The following OTUD4 variants were observed in gnomAD, a reference collection of about 807,000 sequenced individuals.
OTUD4 encodes OTU domain-containing protein 4.
OTUD4 carries 24 observed loss-of-function variants against 130.4 expected under a neutral mutation model. That is an observed-to-expected ratio of 0.18 (90% confidence interval 0.13 to 0.26). OTUD4 has a LOEUF of 0.26. Among genes scored for constraint, OTUD4 ranks in the 10% least tolerant of loss-of-function variants. The pLI is 1.00. For synonymous variants in OTUD4, 420 were observed against 472.5 expected (o/e 0.89, Z 1.44); for missense variants, 1,031 against 1,329.4 (o/e 0.78, Z 3.49).
chr4:145,179,227 T>C (rs1048925069), intron 1 of OTUD4, among the ~76,000 whole-genome samples: 2 of 152,160 alleles, frequency 1.3e-5, no homozygotes, highest in Middle Eastern at 3.2e-3. Context: ...CAGAGCATAA[T>C]AAAGGGTGGA....
chr4:145,162,760 T>A, intron 5 of OTUD4, 39 bp from the exon 6 acceptor site: 2 of 1,037,994 alleles, frequency 1.9e-6, no homozygotes, highest in Non-Finnish European at 2.9e-6. Flanking sequence ...CAGCCCCTCA[T>A]ACATATAACA....
chr4:145,178,017 T>C (rs955461527), intron 1 of OTUD4: 1 of 152,188 alleles, frequency 6.6e-6, no homozygotes, highest in African/African-American at 2.4e-5. Flanking sequence ...TCCCCCAAAG[T>C]TCAAGGTCTT....
chr4:145,152,698 C>T (rs12501862), intron 10 of OTUD4, 63 bp from the exon 11 acceptor site: 148,423 of 873,400 alleles, frequency 0.17, 15,923 homozygotes, highest in East Asian at 0.42. Flanking sequence ...CTTTGCATTA[C>T]TTATCAGTTT....
intron 3 of OTUD4, among the ~76,000 whole-genome samples, chr4:145,166,468 A>G (rs540206394): frequency 4.0e-4 from 61 of 152,314 alleles, no homozygotes; most frequent in Non-Finnish European, 5.0e-4. Flanking sequence ...TATGTAAAAT[A>G]ATGATGTCAC....
chr4:145,138,648 T>G lies in OTUD4; in HGVS notation c.2127A>C (p.Ala709=). The change falls in exon 21 of 21, where the codon GCA becomes GCC. Residue 709 remains alanine (A), a splice_region_variant and synonymous_variant. Coordinates refer to ENST00000447906, the MANE Select transcript of OTUD4 (RefSeq NM_001366057.1). ...LRFFFNLGVK[A]YSCPMWAPHS... ...GTGGGGCCCACATAGGACAACTGTATGCCTGAAGAGACAAAAAACAGTTAA... is the reference window on the plus strand; with the variant it reads ...GTGGGGCCCACATAGGACAACTGTAGGCCTGAAGAGACAAAAAACAGTTAA... 1 of 1,591,822 alleles carries G rather than the reference T, an allele frequency of 6.3e-7. No individual in the cohort carries two copies. The highest frequency in any genetic ancestry group is 8.5e-7 in the Non-Finnish European group (1 of 1,172,790).
intron 6 of OTUD4, among the ~76,000 whole-genome samples, chr4:145,161,093 G>C (rs1481339335): frequency 6.7e-6 from 1 of 150,370 alleles, no homozygotes; most frequent in Non-Finnish European, 1.5e-5. Context: ...CTAGGCGAGA[G>C]AGCAACACTC....
rs1157279162 is a variant in OTUD4 at position 145,134,938 on chromosome 4, CT to C, written c.*2491del. ...AATACAAATGATCCTCAGTTCTATACTTTTGCCTCTATTCTCTTATAAAGAA... is the reference window on the plus strand; with the variant it reads ...AATACAAATGATCCTCAGTTCTATACTTTGCCTCTATTCTCTTATAAAGAA... On this transcript the variant is annotated 3_prime_UTR_variant, in exon 21 of 21. Coordinates refer to ENST00000447906, the MANE Select transcript of OTUD4 (RefSeq NM_001366057.1). 7.5e-6 allele frequency: 3 copies of C among 398,566 alleles called. No homozygotes were observed. The East Asian group carries it at 1.1e-4, about 14-fold the overall frequency. The allele number at this position is 398,566 out of a possible 1,614,324, so 24.7% of individuals were successfully genotyped here. A position where few individuals can be genotyped will look rare whatever the true frequency, so the allele number is the denominator to read the frequency against.
chr4:145,142,376 G>C (rs764718085), intron 17 of OTUD4, 42 bp from the exon 18 acceptor site: 7 of 1,593,406 alleles, frequency 4.4e-6, no homozygotes, highest in Non-Finnish European at 6.0e-6. Flanking sequence ...AAAAAGACAA[G>C]AGGTCATTTT....
At chr4:145,179,287 G>A (rs1194729216) in intron 1 of OTUD4, among the ~76,000 whole-genome samples, 1 of 152,140 alleles carries the variant, frequency 6.6e-6, no homozygotes, top group Non-Finnish European at 1.5e-5. Flanking sequence ...TAAAAGGCTG[G>A]TTTTCTCAAA....
chr4:145,154,393 C>A (rs1751189937), intron 10 of OTUD4, among the ~76,000 whole-genome samples: 1 of 152,204 alleles, frequency 6.6e-6, no homozygotes, highest in African/African-American at 2.4e-5. Context: ...GATGACTTCA[C>A]ATAAACCAAT....
At chr4:145,179,762 C>T in intron 1 of OTUD4, 53 bp downstream of exon 1, 13 of 1,440,324 alleles carry the variant, frequency 9.0e-6, no homozygotes, top group Non-Finnish European at 1.2e-5. Context: ...CACCCAGACC[C>T]GCCGGGCCGT....
chr4:145,161,894 T>C (rs185655254), intron 6 of OTUD4, among the ~76,000 whole-genome samples: 21 of 152,256 alleles, frequency 1.4e-4, no homozygotes, highest in Admixed American at 3.3e-4. Context: ...ACCAAAATGA[T>C]TGCAGGAAAA....
intron 3 of OTUD4, among the ~76,000 whole-genome samples, chr4:145,168,997 G>A (rs1310032937): frequency 6.6e-6 from 1 of 152,192 alleles, no homozygotes; most frequent in Non-Finnish European, 1.5e-5. Flanking sequence ...ACGCATGAAT[G>A]AATTTTAGTA....
In OTUD4 at chr4:145,174,759, C is replaced by T. The variant is rs1005187497; in HGVS notation, c.160-15G>A. The T allele has an allele frequency of 1.6e-5, 24 of 1,473,956 alleles. No homozygotes were observed. Among genetic ancestry groups the T allele is most frequent in the Non-Finnish European group, 2.3e-5 (24 of 1,052,524 alleles). 91.3% of individuals were successfully genotyped at this position (1,473,956 alleles called of 1,614,324 possible). On this transcript the variant is annotated splice_polypyrimidine_tract_variant and intron_variant, in intron 1 of 20. Coordinates refer to ENST00000447906, the MANE Select transcript of OTUD4 (RefSeq NM_001366057.1). ...GAGTGCAATACCTAAAAAGAAAAGGCAACAAACACACTATTAAGCATTTAG... is the reference window on the plus strand; with the variant it reads ...GAGTGCAATACCTAAAAAGAAAAGGTAACAAACACACTATTAAGCATTTAG...
At chr4:145,158,969 G>A (rs190232871) in intron 7 of OTUD4, among the ~76,000 whole-genome samples, 96 of 152,272 alleles carry the variant, frequency 6.3e-4, no homozygotes, top group African/African-American at 2.1e-3. Context: ...TATCTTGTAC[G>A]TCTTGTGTGA....
chr4:145,154,299 G>C (rs150621179), intron 10 of OTUD4, among the ~76,000 whole-genome samples: 2 of 152,300 alleles, frequency 1.3e-5, no homozygotes, highest in African/African-American at 4.8e-5. Context: ...GTACCTGAAT[G>C]AATCATGTTC....
At chr4:145,176,187 C>A (rs772775916) in intron 1 of OTUD4, among the ~76,000 whole-genome samples, 1 of 151,506 alleles carries the variant, frequency 6.6e-6, no homozygotes. Context: ...TGAGCCACCA[C>A]GCCCGGCCCT....
chr4:145,141,639 C>A lies in OTUD4; in HGVS notation c.1823G>T (p.Gly608Val). 2.0e-6 allele frequency: 3 copies of A among 1,509,162 alleles called. No homozygotes were observed. The highest frequency in any genetic ancestry group is 1.4e-5 in the South Asian group (1 of 72,850). The allele number at this position is 1,509,162 out of a possible 1,614,324, so 93.5% of individuals were successfully genotyped here. ...PSEPTTFGPTGVPAPIPVLSV... is the reference protein window; with the variant it reads ...PSEPTTFGPTVVPAPIPVLSV... ...CAAAACGGGAATTGGAGCAGGGACA[C>A]CTACAAAAGAGAAGAAAAGGAATCA... is the stretch of plus-strand genomic sequence containing the variant. The change falls in exon 19 of 21, where the codon GGT becomes GTT. Residue 608 changes from glycine (G) to valine (V), a missense_variant and splice_region_variant. By Grantham distance (109) the Gly-to-Val change is moderately radical (BLOSUM62 -3). Coordinates refer to ENST00000447906, the MANE Select transcript of OTUD4 (RefSeq NM_001366057.1).
In OTUD4 at chr4:145,148,708, G is replaced by C. The variant is rs185942081; in HGVS notation, c.1259+1805C>G. Among the ~76,000 whole-genome samples the C allele has an allele frequency of 2.0e-5, 3 of 152,244 alleles. No individual in the cohort carries two copies. In the East Asian group the frequency reaches 5.8e-4, roughly 29 times the overall value. On this transcript the variant is annotated intron_variant, in intron 13 of 20. Transcript: ENST00000447906. Reference sequence around the variant, plus strand: ...CTTTAAATCACTAAAGAGTACACTTGTGTTCAAGGAAAAAGAATATTGCTT... The same window carrying C: ...CTTTAAATCACTAAAGAGTACACTTCTGTTCAAGGAAAAAGAATATTGCTT...
Sources: gnomAD v4.1 joint callset for allele counts (sites outside exome capture counted in the v4.1 genomes callset) on GRCh38, gnomAD v4.1.1 for gene constraint, MANE v1.5 for transcripts, NCBI Gene and HGNC (gene_info 2026-07-23, HGNC 2026-07-21) for gene names.